The following CACNA1A variants were observed in gnomAD, a reference collection of about 807,000 sequenced individuals.
The protein encoded by CACNA1A is voltage-dependent P/Q-type calcium channel subunit alpha-1A.
In CACNA1A, 57 loss-of-function variants were observed where a neutral mutation model predicts 262.4. That is an observed-to-expected ratio of 0.22 (90% confidence interval 0.18 to 0.27). The LOEUF is 0.27. Among genes scored for constraint, CACNA1A ranks in the 10% least tolerant of loss-of-function variants. The pLI, the probability that CACNA1A is intolerant of heterozygous loss-of-function variation, is 1.00. For synonymous variants in CACNA1A, 1,431 were observed against 1,419.3 expected (o/e 1.01, Z -0.18); for missense variants, 2,526 against 3,562.8 (o/e 0.71, Z 7.41).
intron 1 of CACNA1A, among the ~76,000 whole-genome samples, chr19:13,457,036 GCACA>G (rs1411924543): frequency 3.9e-5 from 6 of 152,082 alleles, no homozygotes; most frequent in African/African-American, 1.4e-4. Context: ...GATTACTTGA[GCACA>G]GGAGTCCGAG....
chr19:13,310,778 G>C (rs2058019588), intron 12 of CACNA1A, among the ~76,000 whole-genome samples: 1 of 151,306 alleles, frequency 6.6e-6, no homozygotes, highest in East Asian at 2.0e-4. Flanking sequence ...GGTTGCTCAG[G>C]ACATTTTAAA....
intron 5 of CACNA1A, among the ~76,000 whole-genome samples, chr19:13,360,651 T>C (rs1254362299): frequency 1.3e-5 from 2 of 152,128 alleles, no homozygotes; most frequent in East Asian, 3.9e-4. Context: ...ATAATCTTTG[T>C]ATTTTTAGTG....
At chr19:13,339,004 T>G (rs2058627255) in intron 6 of CACNA1A, among the ~76,000 whole-genome samples, 1 of 152,138 alleles carries the variant, frequency 6.6e-6, no homozygotes, top group African/African-American at 2.4e-5. Flanking sequence ...TAGTTGGGAT[T>G]ACAGGCGCCC....
chr19:13,409,985 G>A (rs1281673181), intron 3 of CACNA1A, among the ~76,000 whole-genome samples: 2 of 151,984 alleles, frequency 1.3e-5, no homozygotes, highest in African/African-American at 4.8e-5. Flanking sequence ...ATTTCCACAA[G>A]CAACCACCAC....
chr19:13,429,446 C>T (rs371335509), intron 3 of CACNA1A, among the ~76,000 whole-genome samples: 24 of 143,708 alleles, frequency 1.7e-4, no homozygotes, highest in East Asian at 1.3e-3. Flanking sequence ...ATCTTCCTCC[C>T]GGGGTGTTTT....
At chr19:13,505,477 G>A (rs768714610) in intron 1 of CACNA1A, among the ~76,000 whole-genome samples, 6 of 152,136 alleles carry the variant, frequency 3.9e-5, no homozygotes, top group Non-Finnish European at 5.9e-5. Flanking sequence ...AGCTTCCCCT[G>A]CGTGGACTCC....
chr19:13,477,864 C>T lies in CACNA1A; in HGVS notation c.294-22652G>A, dbSNP rs144089897. On this transcript the variant is annotated intron_variant, in intron 1 of 46. Transcript: ENST00000360228. ...CTGTGGTGGCTTTTCTTTTGTTATA[C>T]GACGATTATTTGTCAACCCCACTAT... is the stretch of plus-strand genomic sequence containing the variant. Among the ~76,000 whole-genome samples the T allele has an allele frequency of 3.9e-4, 59 of 152,240 alleles. No homozygotes were observed. The East Asian group carries it at 9.4e-3, about 24-fold the overall frequency.
At position 13,369,266 on chromosome 19, in the gene CACNA1A, G is replaced by A. The variant is rs548186270; in HGVS notation, c.631+2422C>T. On this transcript the variant is annotated intron_variant, in intron 4 of 46. Transcript: ENST00000360228. ...AGCTATCTCACCTGGGAGCTACTGC[G>A]TCTCTACCTCCCATCCACAGTGACT... 9.9e-5 allele frequency among the ~76,000 whole-genome samples: 15 copies of A among 152,206 alleles called. No individual in the cohort carries two copies. In the East Asian group the frequency reaches 1.7e-3, roughly 18 times the overall value.
Position 13,311,332 on chromosome 19 carries a change from TCTGCTGCCTCAGCCTC to T in CACNA1A, c.1668+1321_1668+1336del, listed in dbSNP as rs1177975424. ...TTTTCAACTCCTGGGCTCAAGCAAT[TCTGCTGCCTCAGCCTC>T]CTGAATAGCTGAGGCTATAGGCATG... is the stretch of plus-strand genomic sequence containing the variant. On this transcript the variant is annotated intron_variant, in intron 12 of 46. Coordinates refer to ENST00000360228, the MANE Select transcript of CACNA1A (RefSeq NM_001127222.2). Among the ~76,000 whole-genome samples the T allele has an allele frequency of 2.6e-5, 4 of 152,204 alleles. No individual in the cohort carries two copies. In the East Asian group the frequency reaches 7.7e-4, roughly 29 times the overall value.
At chr19:13,452,855 C>T (rs955840136) in intron 3 of CACNA1A, 21 bp downstream of exon 3, 25 of 1,604,476 alleles carry the variant, frequency 1.6e-5, no homozygotes, top group South Asian at 3.3e-5. Context: ...AAATCCAAAG[C>T]GTATAGCACG....
chr19:13,411,974 C>T (rs915531756), intron 3 of CACNA1A, among the ~76,000 whole-genome samples: 5 of 149,024 alleles, frequency 3.4e-5, no homozygotes, highest in Non-Finnish European at 7.4e-5. Context: ...ACTTGGCCTC[C>T]TAAAGTGCTG....
At chr19:13,483,369 C>T (rs1024343205) in intron 1 of CACNA1A, among the ~76,000 whole-genome samples, 6 of 152,046 alleles carry the variant, frequency 3.9e-5, no homozygotes, top group Non-Finnish European at 7.4e-5. Context: ...GCAAGCATAT[C>T]CTAATACACC....
chr19:13,490,513 A>C (rs1473562702), intron 1 of CACNA1A, among the ~76,000 whole-genome samples: 3 of 152,026 alleles, frequency 2.0e-5, no homozygotes, highest in Middle Eastern at 3.2e-3. Context: ...CAAGGCAGGA[A>C]AATTGCTTGA....
At chr19:13,267,132 G>GAGAGAGAGAGAGAGAA (rs774518708) in intron 24 of CACNA1A, among the ~76,000 whole-genome samples, 6 of 150,352 alleles carry the variant, frequency 4.0e-5, no homozygotes, top group East Asian at 1.9e-4. Flanking sequence ...CAGAATATGA[G>GAGAGAGAGAGAGAGAA]AGAGAGAGAG....
At chr19:13,352,098 C>T (rs950872926) in intron 6 of CACNA1A, among the ~76,000 whole-genome samples, 4 of 152,086 alleles carry the variant, frequency 2.6e-5, no homozygotes, top group Admixed American at 1.3e-4. Flanking sequence ...AGGAATGACC[C>T]GAGACCTTCT....
intron 3 of CACNA1A, among the ~76,000 whole-genome samples, chr19:13,395,273 CAAAAA>C (rs58840618): frequency 1.1e-5 from 1 of 88,900 alleles, no homozygotes; most frequent in Non-Finnish European, 2.2e-5. Context: ...GACTCCATCT[CAAAAA>C]AAAAAAAAAA....
chr19:13,400,811 T>C (rs2059887932), intron 3 of CACNA1A, among the ~76,000 whole-genome samples: 2 of 152,162 alleles, frequency 1.3e-5, no homozygotes, highest in Admixed American at 1.3e-4. Context: ...GGAGAAACTC[T>C]GACCTAGAAC....
At position 13,482,075 on chromosome 19, in the gene CACNA1A, A is replaced by G. The variant is rs192034014; in HGVS notation, c.293+23857T>C. On this transcript the variant is annotated intron_variant, in intron 1 of 46. Coordinates refer to ENST00000360228, the MANE Select transcript of CACNA1A (RefSeq NM_001127222.2). ...GAAAGATTTTCACTTAAAGGGAAAG[A>G]ATTTGCAGAACAAGGAAAGAAGTAA... Among the ~76,000 whole-genome samples, 6 of 152,294 alleles carry G rather than the reference A, an allele frequency of 3.9e-5. No homozygotes were observed. The East Asian group carries it at 1.2e-3, about 29-fold the overall frequency.
At chr19:13,445,646 T>C (rs1223004793) in intron 3 of CACNA1A, among the ~76,000 whole-genome samples, 2 of 152,220 alleles carry the variant, frequency 1.3e-5, no homozygotes, top group African/African-American at 4.8e-5. Context: ...ATTTGATCTC[T>C]TCAATATTTA....
Sources: allele counts gnomAD v4.1 joint callset (sites outside exome capture counted in the v4.1 genomes callset), GRCh38; gene constraint gnomAD v4.1.1; transcripts MANE v1.5; gene names NCBI Gene and HGNC (gene_info 2026-07-23, HGNC 2026-07-21).